Variants in DAB1 observed in about 807,000 individuals in gnomAD.
DAB1 encodes DAB adaptor protein 1.
DAB1 carries 15 observed loss-of-function variants against 64.6 expected under a neutral mutation model. The ratio of observed to expected loss-of-function variants is 0.23; its 90% CI spans 0.16 to 0.36. DAB1 has a LOEUF of 0.36. Among genes scored for constraint, DAB1 ranks in the 10% least tolerant of loss-of-function variants. The pLI is 1.00. For missense variants in DAB1, 596 were observed against 706.7 expected (o/e 0.84, Z 1.78); for synonymous variants, 235 against 251.9 (o/e 0.93, Z 0.64).
chr1:58,479,790 G>C (rs1387400871), intron 3 of DAB1, among the ~76,000 whole-genome samples: 2 of 152,104 alleles, frequency 1.3e-5, no homozygotes, highest in African/African-American at 4.8e-5. Context: ...ACTCAGCTTT[G>C]TTCTATCTAG....
chr1:58,007,535 A>G (rs1013924244), intron 5 of DAB1, among the ~76,000 whole-genome samples: 1 of 152,218 alleles, frequency 6.6e-6, no homozygotes, highest in Non-Finnish European at 1.5e-5. Context: ...CTGCCTCACA[A>G]GGGCGGGCAA....
chr1:57,269,276 A>G (rs1458601712), intron 2 of DAB1, among the ~76,000 whole-genome samples: 1 of 152,144 alleles, frequency 6.6e-6, no homozygotes, highest in Non-Finnish European at 1.5e-5. Flanking sequence ...AAGCCTTGCC[A>G]TGCAGGGATG....
chr1:57,655,309 CCAT>C (rs1646304341), intron 6 of DAB1, among the ~76,000 whole-genome samples: 1 of 152,030 alleles, frequency 6.6e-6, no homozygotes, highest in African/African-American at 2.4e-5. Context: ...TCCAACCCAT[CCAT>C]CTATTCATTC....
At chr1:58,469,837 T>C (rs1645336496) in intron 3 of DAB1, among the ~76,000 whole-genome samples, 1 of 152,212 alleles carries the variant, frequency 6.6e-6, no homozygotes, top group Non-Finnish European at 1.5e-5. Flanking sequence ...ATGGAGTTCC[T>C]TGGTGAGGTA....
chr1:57,156,806 T>C lies in DAB1; in HGVS notation c.68-11377A>G, dbSNP rs1262442982. ...CCTAACCGGGGGAATGGCTCTCCTCTGAATTTAAATCCAGCCGATTCTTCT... is the reference window on the plus strand; with the variant it reads ...CCTAACCGGGGGAATGGCTCTCCTCCGAATTTAAATCCAGCCGATTCTTCT... On this transcript the variant is annotated intron_variant, in intron 2 of 14. Coordinates refer to ENST00000371236, the MANE Select transcript of DAB1 (RefSeq NM_001365792.1). Among the ~76,000 whole-genome samples the C allele has an allele frequency of 3.3e-5, 5 of 152,234 alleles. No homozygotes were observed. In the East Asian group the frequency reaches 7.7e-4, roughly 23 times the overall value.
intron 4 of DAB1, among the ~76,000 whole-genome samples, chr1:57,073,455 A>G (rs1018609110): frequency 1.8e-4 from 27 of 152,174 alleles, no homozygotes; most frequent in Admixed American, 5.9e-4. Context: ...TCACCATCCT[A>G]TCGGGTAATG....
intron 1 of DAB1, among the ~76,000 whole-genome samples, chr1:57,325,534 T>C (rs1676085391): frequency 6.6e-6 from 1 of 152,236 alleles, no homozygotes. Flanking sequence ...GGTGCTATTA[T>C]TATAACTGGA....
chr1:57,386,413 C>T (rs563304955), intron 1 of DAB1, among the ~76,000 whole-genome samples: 2 of 148,238 alleles, frequency 1.3e-5, no homozygotes, highest in South Asian at 2.2e-4. Context: ...TCCATAAACA[C>T]GGGACAGAAT....
intron 4 of DAB1, among the ~76,000 whole-genome samples, chr1:58,239,183 CTCT>C (rs1423052952): frequency 1.3e-5 from 2 of 152,184 alleles, no homozygotes; most frequent in African/African-American, 2.4e-5. Flanking sequence ...ACAACAGCTC[CTCT>C]TCTTCTGTCT....
At chr1:57,298,923 T>C (rs576909857) in intron 1 of DAB1, among the ~76,000 whole-genome samples, 1 of 152,208 alleles carries the variant, frequency 6.6e-6, no homozygotes, top group African/African-American at 2.4e-5. Flanking sequence ...GGACCAGAAG[T>C]GGAAAAAGAA....
intron 2 of DAB1, among the ~76,000 whole-genome samples, chr1:57,270,498 A>G (rs1670910050): frequency 6.6e-6 from 1 of 152,208 alleles, no homozygotes; most frequent in South Asian, 2.1e-4. Flanking sequence ...TTTCTTCCCT[A>G]TCACAGATGA....
intron 5 of DAB1, among the ~76,000 whole-genome samples, chr1:58,119,221 TGTGC>T (rs61198648): frequency 0.03 from 2,459 of 81,020 alleles, 68 homozygotes; most frequent in South Asian, 0.17. Context: ...ATTGTGTGTG[TGTGC>T]GTGTGTGTGT....
chr1:57,556,801 T>C (rs1468342809), intron 7 of DAB1, among the ~76,000 whole-genome samples: 7 of 152,208 alleles, frequency 4.6e-5, no homozygotes, highest in Non-Finnish European at 7.3e-5. Flanking sequence ...CCCATATATT[T>C]ATCCTTGTTT....
At chr1:58,476,984 T>G (rs75668511) in intron 3 of DAB1, among the ~76,000 whole-genome samples, 2,371 of 152,334 alleles carry the variant, frequency 0.016, 35 homozygotes, top group Non-Finnish European at 0.024. Context: ...TTTTTGAGCT[T>G]CGGTCTCCAG....
At chr1:57,847,917 T>G (rs935375616) in intron 1 of DAB1, among the ~76,000 whole-genome samples, 2 of 152,190 alleles carry the variant, frequency 1.3e-5, no homozygotes, top group African/African-American at 4.8e-5. Context: ...ATTGCCTCAT[T>G]TAATGTTGGA....
chr1:57,265,731 T>C (rs1489853147), intron 2 of DAB1, among the ~76,000 whole-genome samples: 2 of 152,114 alleles, frequency 1.3e-5, no homozygotes, highest in Non-Finnish European at 2.9e-5. Context: ...TATAAATAGA[T>C]CTATACATGT....
At chr1:57,748,498 G>A (rs1417652865) in intron 6 of DAB1, among the ~76,000 whole-genome samples, 2 of 151,868 alleles carry the variant, frequency 1.3e-5, no homozygotes, top group Non-Finnish European at 2.9e-5. Context: ...TGGCACATGT[G>A]TTATATAAAT....
chr1:57,489,722 G>A (rs1351366232), intron 7 of DAB1, among the ~76,000 whole-genome samples: 6 of 152,112 alleles, frequency 3.9e-5, no homozygotes, highest in Admixed American at 2.0e-4. Context: ...CTTTATATAG[G>A]TAAACTGATT....
At chr1:57,951,960 G>A (rs1570057658) in intron 5 of DAB1, among the ~76,000 whole-genome samples, 2 of 152,146 alleles carry the variant, frequency 1.3e-5, no homozygotes, top group Admixed American at 1.3e-4. Context: ...TGGTTTCAGA[G>A]GGCAAAAGGA....
Sources: gnomAD v4.1 joint callset for allele counts (sites outside exome capture counted in the v4.1 genomes callset) on GRCh38, gnomAD v4.1.1 for gene constraint, MANE v1.5 for transcripts, NCBI Gene and HGNC (gene_info 2026-07-23, HGNC 2026-07-21) for gene names.